Variants in SAFB observed in about 807,000 individuals in gnomAD.
SAFB encodes the protein scaffold attachment factor B.
In SAFB, 15 loss-of-function variants were observed where a neutral mutation model predicts 101.6. The observed-to-expected ratio is 0.15, with a 90% CI of 0.10 to 0.23. The LOEUF is 0.23. Among genes scored for constraint, SAFB ranks in the 10% least tolerant of loss-of-function variants. The pLI is 1.00. For missense variants in SAFB, 930 were observed against 1,104.1 expected (o/e 0.84, Z 2.23); for synonymous variants, 449 against 407.5 (o/e 1.10, Z -1.23).
At chr19:5,628,815 C>T (rs780358273) in intron 2 of SAFB, among the ~76,000 whole-genome samples, 10 of 152,162 alleles carry the variant, frequency 6.6e-5, no homozygotes, top group Non-Finnish European at 1.0e-4. Flanking sequence ...GCAAAGAGTC[C>T]TGGAAAATCA....
chr19:5,629,487 C>T (rs1233884113), intron 2 of SAFB, among the ~76,000 whole-genome samples: 3 of 151,966 alleles, frequency 2.0e-5, no homozygotes, highest in Admixed American at 2.0e-4. Flanking sequence ...ATTAAAAAAA[C>T]CCGTGATCTT....
In SAFB at chr19:5,668,171, C is replaced by T; in HGVS notation, c.2634C>T (p.Ser878=). The change falls in exon 21 of 21, where the codon AGC becomes AGT. Residue 878 remains serine, a synonymous_variant. Transcript: ENST00000588852. ...MNRGGMSGRG[S]FAPGGASRGH... is the part of the protein sequence containing the mutation. ...GTGAATTTGTTCCTAGGCGCGGCAGCTTTGCCCCAGGCGGGGCCTCCCGGG... is the reference window on the plus strand; with the variant it reads ...GTGAATTTGTTCCTAGGCGCGGCAGTTTTGCCCCAGGCGGGGCCTCCCGGG... The T allele has an allele frequency of 1.2e-6, 2 of 1,606,614 alleles. No homozygotes were observed. Among genetic ancestry groups the T allele is most frequent in the Non-Finnish European group, 1.7e-6 (2 of 1,177,626 alleles).
At chr19:5,645,485 C>T (rs2053808728) in intron 5 of SAFB, 86 bp downstream of exon 5, 2 of 673,626 alleles carry the variant, frequency 3.0e-6, no homozygotes, top group Admixed American at 2.5e-5. Flanking sequence ...TATGCCAGTT[C>T]CAGCTAATAA....
intron 9 of SAFB, among the ~76,000 whole-genome samples, chr19:5,652,236 C>T (rs2053955591): frequency 6.6e-6 from 1 of 152,062 alleles, no homozygotes; most frequent in East Asian, 1.9e-4. Context: ...GTCATTATTA[C>T]GGACATAACT....
rs759652174 is a variant in SAFB at position 5,664,059 on chromosome 19, G to T, written c.2191G>T (p.Ala731Ser). The part of the protein sequence containing the change: ...DAYWPEAKRA[A>S]LDERYHSDFN... ...CTATTGGCCGGAAGCCAAGCGGGCC[G>T]CCCTGGATGAGCGCTACCATTCTGA... is the stretch of plus-strand genomic sequence containing the variant. The change falls in exon 16 of 21, where the codon GCC (alanine) becomes TCC (serine). Residue 731 changes from alanine (A) to serine (S), a missense_variant. Ala to Ser is a moderately conservative substitution (Grantham distance 99). Around this residue, in one of 7 missense-constraint regions of SAFB, gnomAD observed 318 missense variants for 342.6 expected, o/e 0.93. Coordinates refer to ENST00000588852, the MANE Select transcript of SAFB (RefSeq NM_001201338.2). 1.2e-6 allele frequency: 2 copies of T among 1,613,996 alleles called. No individual in the cohort carries two copies. The highest frequency in any genetic ancestry group is 2.2e-5 in the South Asian group (2 of 91,084).
chr19:5,658,872 C>T (rs984823511), intron 14 of SAFB, among the ~76,000 whole-genome samples: 2 of 148,598 alleles, frequency 1.3e-5, no homozygotes, highest in South Asian at 2.1e-4. Flanking sequence ...GGGGGCCGGG[C>T]GCGGTGGCTC....
chr19:5,632,411 C>T (rs111240962), intron 2 of SAFB, among the ~76,000 whole-genome samples: 8 of 152,256 alleles, frequency 5.3e-5, no homozygotes, highest in Admixed American at 1.3e-4. Context: ...CTTTGCCCTA[C>T]GTACTGCAGT....
chr19:5,656,702 A>G (rs2054070449), intron 13 of SAFB, among the ~76,000 whole-genome samples: 1 of 151,290 alleles, frequency 6.6e-6, no homozygotes, highest in African/African-American at 2.4e-5. Flanking sequence ...TCATCCTCCA[A>G]AGTAACTGAG....
chr19:5,642,952 C>T (rs2053754482), intron 4 of SAFB, among the ~76,000 whole-genome samples: 1 of 152,004 alleles, frequency 6.6e-6, no homozygotes, highest in Non-Finnish European at 1.5e-5. Flanking sequence ...CAGGTGTGAG[C>T]CACCGCGCCC....
intron 2 of SAFB, among the ~76,000 whole-genome samples, chr19:5,630,388 C>T (rs542775138): frequency 3.4e-4 from 52 of 152,148 alleles, no homozygotes; most frequent in Non-Finnish European, 7.1e-4. Flanking sequence ...TCAATTTAAT[C>T]TGATTCGACT....
At chr19:5,668,116 G>A in intron 20 of SAFB, 46 bp from the exon 21 acceptor site, 1 of 1,593,000 alleles carries the variant, frequency 6.3e-7, no homozygotes, top group Non-Finnish European at 8.5e-7. Context: ...GATGGGCCGG[G>A]GAGCAGGAGG....
Position 5,657,260 on chromosome 19 carries a change from G to A in SAFB, c.1775G>A (p.Arg592His), listed in dbSNP as rs142856767. ...AACTAGGCTTCCAAAAGCCAGGATC[G>A]CAAATCAGCCAGCAGAGAGAAGCGG... ...SKERASKSQD[R>H]KSASREKRSV... Residue 592 changes from arginine (R) to histidine (H), a missense_variant, in exon 14 of 21, where the codon CGC becomes CAC. Arg to His is a conservative substitution (Grantham distance 29). This residue lies in a region of SAFB where 159 missense variants were observed against 234.1 expected (regional missense o/e 0.68). Coordinates refer to ENST00000588852, the MANE Select transcript of SAFB (RefSeq NM_001201338.2). 8.7e-6 allele frequency: 14 copies of A among 1,613,670 alleles called. No individual in the cohort carries two copies. The highest frequency in any genetic ancestry group is 1.7e-5 in the Admixed American group (1 of 59,974).
Position 5,668,197 on chromosome 19 carries a change from G to A in SAFB, c.2660G>A (p.Gly887Asp), listed in dbSNP as rs368697923. 1.2e-6 allele frequency: 2 copies of A among 1,607,206 alleles called. No homozygotes were observed. Among genetic ancestry groups the A allele is most frequent in the African/African-American group, 1.3e-5 (1 of 74,450 alleles). Residue 887 changes from glycine (G) to aspartate (D), a missense_variant, in exon 21 of 21, where the codon GGC becomes GAC. Physicochemically the swap from Gly to Asp is moderately conservative, Grantham distance 94. Around this residue, in one of 7 missense-constraint regions of SAFB, gnomAD observed 318 missense variants for 342.6 expected, o/e 0.93. Transcript: ENST00000588852. ...GSFAPGGASR[G>D]HPIPHGGMQG... ...TTTGCCCCAGGCGGGGCCTCCCGGG[G>A]CCACCCCATCCCACACGGTGGCATG...
chr19:5,664,545 A>G, intron 17 of SAFB, 106 bp downstream of exon 17: 1 of 864,764 alleles, frequency 1.2e-6, no homozygotes, highest in Non-Finnish European at 1.9e-6. Flanking sequence ...AGGCAAAATG[A>G]GGAAAGAGAA....
chr19:5,623,196 G>C lies in SAFB; in HGVS notation c.-10G>C, dbSNP rs1379058048. The C allele has an allele frequency of 5.1e-6, 8 of 1,574,748 alleles. No individual in the cohort carries two copies. The East Asian group carries it at 1.9e-4, about 37-fold the overall frequency. ...TGTGGAAAGTGGGCGGCGGAGCCAGGGTCCCTGGAATGGCGGAGACTCTGT... is the reference window on the plus strand; with the variant it reads ...TGTGGAAAGTGGGCGGCGGAGCCAGCGTCCCTGGAATGGCGGAGACTCTGT... On this transcript the variant is annotated 5_prime_UTR_variant, in exon 1 of 21. Transcript: ENST00000588852.
chr19:5,631,195 A>C (rs1470107468), intron 2 of SAFB, among the ~76,000 whole-genome samples: 1 of 152,214 alleles, frequency 6.6e-6, no homozygotes, highest in Non-Finnish European at 1.5e-5. Context: ...GTCTCAAAAA[A>C]AAAGAAAAGA....
intron 4 of SAFB, among the ~76,000 whole-genome samples, chr19:5,644,149 C>A (rs2053778197): frequency 6.6e-6 from 1 of 151,998 alleles, no homozygotes; most frequent in Non-Finnish European, 1.5e-5. Context: ...CACAACCACA[C>A]CTATTGATAC....
Position 5,667,309 on chromosome 19 carries a change from A to G in SAFB, c.2454-38A>G, listed in dbSNP as rs151217910. The G allele has an allele frequency of 2.7e-3, 3,861 of 1,419,158 alleles. 157 individuals are homozygous for G. The East Asian group carries it at 0.086, about 32-fold the overall frequency. The allele number at this position is 1,419,158 out of a possible 1,614,324, so 87.9% of individuals were successfully genotyped here. A position where few individuals can be genotyped will look rare whatever the true frequency, so the allele number is the denominator to read the frequency against. ...ACAGTTATTAGCACAAGAGCCAGAG[A>G]TGGGGGCAATCCAAATCAGAGATGT... On this transcript the variant is annotated intron_variant, in intron 18 of 20. Transcript: ENST00000588852. This position sits in a 1 kb window ranked among gnomAD's most constrained non-coding sequence, Gnocchi z 4.0.
In SAFB at chr19:5,650,888, T is replaced by C. The variant is rs2053924188; in HGVS notation, c.1199-90T>C. The stretch of plus-strand genomic sequence containing the variant: ...AGTGCTGCCACTGCCTCAGGAAAAA[T>C]GGGAACCATGTCTCTTTTGGAAAGG... On this transcript the variant is annotated intron_variant, in intron 8 of 20. Transcript: ENST00000588852. 7 of 851,994 alleles carry C rather than the reference T, an allele frequency of 8.2e-6. No homozygotes were observed. In the South Asian group the frequency reaches 1.2e-4, roughly 15 times the overall value. 52.8% of individuals were successfully genotyped at this position (851,994 alleles called of 1,614,324 possible).
Sources: gnomAD v4.1 joint callset for allele counts (sites outside exome capture counted in the v4.1 genomes callset) on GRCh38, gnomAD v4.1.1 for gene constraint, gnomAD v4.1.1 regional missense constraint, Gnocchi (gnomAD v3.1) non-coding constraint, MANE v1.5 for transcripts, NCBI Gene and HGNC (gene_info 2026-07-23, HGNC 2026-07-21) for gene names.